ANKFN1: variants seen among roughly 807,000 people sequenced by gnomAD.
ANKFN1 encodes the protein ankyrin repeat and fibronectin type III domain containing 1.
ANKFN1 carries 74 observed loss-of-function variants against 108.7 expected under a neutral mutation model. The observed-to-expected ratio is 0.68, with a 90% CI of 0.56 to 0.83. ANKFN1 has a LOEUF of 0.83. ANKFN1 is among the 40% of genes least tolerant of loss of function. The probability of loss-of-function intolerance (pLI) is 0.00; values close to 1 mark genes in which losing one functional copy is unlikely to be tolerated. For missense variants in ANKFN1, 1,505 were observed against 1,382.3 expected (o/e 1.09, Z -1.41); for synonymous variants, 547 against 516.2 (o/e 1.06, Z -0.81).
intron 18 of ANKFN1, among the ~76,000 whole-genome samples, chr17:56,488,399 G>A (rs890292366): frequency 6.6e-6 from 1 of 152,148 alleles, no homozygotes; most frequent in Non-Finnish European, 1.5e-5. Flanking sequence ...TAAGAGTGCC[G>A]AGACGGATAA....
chr17:56,452,535 C>A (rs1268372581), intron 11 of ANKFN1, among the ~76,000 whole-genome samples: 10 of 152,118 alleles, frequency 6.6e-5, no homozygotes, highest in East Asian at 1.9e-4. Context: ...GAAATATTTG[C>A]TAGCAACCAT....
intron 8 of ANKFN1, among the ~76,000 whole-genome samples, chr17:56,426,505 C>A (rs1417061815): frequency 6.6e-6 from 1 of 152,162 alleles, no homozygotes; most frequent in East Asian, 1.9e-4. Context: ...CAACATTATG[C>A]ATTTTAGGTC....
chr17:56,380,599 G>A (rs1015424765), intron 8 of ANKFN1, among the ~76,000 whole-genome samples: 4 of 152,206 alleles, frequency 2.6e-5, no homozygotes, highest in East Asian at 1.9e-4. Context: ...GTGCTTTTCC[G>A]ACAGGCTTAA....
chr17:56,352,119 G>A (rs929722529), intron 5 of ANKFN1, among the ~76,000 whole-genome samples: 1 of 152,160 alleles, frequency 6.6e-6, no homozygotes, highest in Non-Finnish European at 1.5e-5. Context: ...TTAAATCGGG[G>A]CCTAAGCATC....
intron 3 of ANKFN1, among the ~76,000 whole-genome samples, chr17:56,310,132 TC>T (rs1453623420): frequency 4.6e-5 from 7 of 152,214 alleles, no homozygotes; most frequent in Non-Finnish European, 1.0e-4. Flanking sequence ...AGAGATGGAT[TC>T]ACGTCCTGGG....
At chr17:56,125,026 T>A (rs1444508018) in intron 4 of ANKFN1, among the ~76,000 whole-genome samples, 1 of 152,232 alleles carries the variant, frequency 6.6e-6, no homozygotes, top group Non-Finnish European at 1.5e-5. Context: ...ACTCTTCCCA[T>A]CTTTAAATGC....
At chr17:56,419,505 A>G (rs559170128) in intron 8 of ANKFN1, among the ~76,000 whole-genome samples, 1 of 151,842 alleles carries the variant, frequency 6.6e-6, no homozygotes, top group South Asian at 2.1e-4. Context: ...AAAGAGATAT[A>G]AATTTGGGTC....
At chr17:56,420,670 C>T (rs1232684443) in intron 8 of ANKFN1, among the ~76,000 whole-genome samples, 3 of 139,910 alleles carry the variant, frequency 2.1e-5, no homozygotes, top group Admixed American at 7.1e-5. Context: ...TATGTTGCTT[C>T]TTCTGACTCC....
chr17:56,254,862 T>C (rs1297725927), intron 3 of ANKFN1, among the ~76,000 whole-genome samples: 1 of 152,176 alleles, frequency 6.6e-6, no homozygotes, highest in Non-Finnish European at 1.5e-5. Context: ...GGGAGGAATG[T>C]AATTCTGTAG....
intron 4 of ANKFN1, among the ~76,000 whole-genome samples, chr17:56,092,862 A>C (rs543161214): frequency 6.6e-6 from 1 of 150,808 alleles, no homozygotes; most frequent in Admixed American, 6.6e-5. Context: ...CTCTTCTCTT[A>C]GAGACCACTC....
At chr17:56,501,389 T>C (rs2051364588) in intron 20 of ANKFN1, among the ~76,000 whole-genome samples, 1 of 152,142 alleles carries the variant, frequency 6.6e-6, no homozygotes, top group African/African-American at 2.4e-5. Flanking sequence ...GGAAAATTAT[T>C]GAAGCAGGGA....
chr17:56,507,416 T>C (rs1046662529), intron 20 of ANKFN1, among the ~76,000 whole-genome samples: 2 of 152,174 alleles, frequency 1.3e-5, no homozygotes, highest in Non-Finnish European at 2.9e-5. Context: ...TAAGCACCAA[T>C]GCCAGCACTG....
At position 56,513,458 on chromosome 17, in the gene ANKFN1, T is replaced by C. The variant is rs565604793; in HGVS notation, c.*2189T>C. Among the ~76,000 whole-genome samples the C allele has an allele frequency of 3.9e-5, 6 of 152,364 alleles. No homozygotes were observed. In the South Asian group the frequency reaches 1.2e-3, roughly 32 times the overall value. ...TTTGCACTCAGTTTCTACTTATTTC[T>C]AATTATAAAATGGATTACTTTGTTC... On this transcript the variant is annotated 3_prime_UTR_variant, in exon 21 of 21. Coordinates refer to ENST00000682825, the MANE Select transcript of ANKFN1 (RefSeq NM_001370326.1).
chr17:56,469,007 G>T (rs1449341792), intron 15 of ANKFN1, among the ~76,000 whole-genome samples: 1 of 152,144 alleles, frequency 6.6e-6, no homozygotes, highest in Non-Finnish European at 1.5e-5. Context: ...TTTGCTCCTA[G>T]AAACACAGCA....
intron 4 of ANKFN1, among the ~76,000 whole-genome samples, chr17:56,144,653 G>A (rs1256800907): frequency 6.6e-6 from 1 of 152,146 alleles, no homozygotes; most frequent in Non-Finnish European, 1.5e-5. Context: ...AGTGAGTGAG[G>A]ATAAAATTAT....
chr17:56,221,917 A>G (rs1266640158), intron 2 of ANKFN1, among the ~76,000 whole-genome samples: 1 of 152,224 alleles, frequency 6.6e-6, no homozygotes, highest in Non-Finnish European at 1.5e-5. Context: ...CAGGGAACAC[A>G]GGCTCTTTTT....
At chr17:56,168,625 G>A (rs1326885654) in intron 1 of ANKFN1, among the ~76,000 whole-genome samples, 5 of 152,152 alleles carry the variant, frequency 3.3e-5, no homozygotes, top group South Asian at 4.1e-4. Context: ...CTAGAATATC[G>A]ATAGACATCG....
At chr17:56,068,623 A>G (rs1905087724) in intron 4 of ANKFN1, among the ~76,000 whole-genome samples, 1 of 152,214 alleles carries the variant, frequency 6.6e-6, no homozygotes, top group African/African-American at 2.4e-5. Flanking sequence ...GTCCAGCACA[A>G]TTCCACAAAC....
chr17:56,088,639 C>T (rs1406962494), intron 4 of ANKFN1, among the ~76,000 whole-genome samples: 1 of 151,088 alleles, frequency 6.6e-6, no homozygotes, highest in South Asian at 2.1e-4. Flanking sequence ...ACCTCTGGGG[C>T]ATGACTCCCT....
Sources: gnomAD v4.1 joint callset for allele counts (sites outside exome capture counted in the v4.1 genomes callset) on GRCh38, gnomAD v4.1.1 for gene constraint, MANE v1.5 for transcripts, NCBI Gene and HGNC (gene_info 2026-07-23, HGNC 2026-07-21) for gene names.